ZNF527: variants seen among roughly 807,000 people sequenced by gnomAD.
The protein encoded by ZNF527 is zinc finger protein 527.
A neutral mutation model predicts 13.5 loss-of-function variants in ZNF527; 5 were observed. The observed-to-expected ratio is 0.37, with a 90% confidence interval of 0.19 to 0.78. The LOEUF is 0.78. ZNF527 is among the 30% of genes least tolerant of loss of function. ZNF527 has a pLI of 0.48. For synonymous variants in ZNF527, 209 were observed against 243.1 expected, an observed-to-expected ratio of 0.86 and a Z score of 1.30; for missense variants, 628 against 726.4, an observed-to-expected ratio of 0.86 and a Z score of 1.56.
At chr19:37,383,728 C>T (rs256734) in intron 4 of ZNF527, among the ~76,000 whole-genome samples, 4 of 151,200 alleles carry the variant, frequency 2.6e-5, no homozygotes, top group South Asian at 4.2e-4. Flanking sequence ...TAGTAGAGAC[C>T]GGGTTTCACC....
rs2040747708 is a variant in ZNF527 at position 37,391,004 on chromosome 19, CATT to C, written c.*1128_*1130del. On this transcript the variant is annotated 3_prime_UTR_variant, in exon 5 of 5. Transcript: ENST00000436120. ...TTTTAGTGTTTCTTAGTTTTTTTCA[CATT>C]ATGGCTGAATATTTTAAAATTCACC... 6.6e-6 allele frequency: 1 copy of C among 152,112 alleles called. No homozygotes were observed. The highest frequency in any genetic ancestry group is 2.4e-5 in the African/African-American group (1 of 41,412). The allele number at this position is 152,112 out of a possible 1,614,324, so 9.4% of individuals were successfully genotyped here.
chr19:37,388,663 T>C lies in ZNF527; in HGVS notation c.614T>C (p.Val205Ala), dbSNP rs1159090738. The change falls in exon 5 of 5, where the codon GTC becomes GCC. Residue 205 changes from valine to alanine, a missense_variant. Coordinates refer to ENST00000436120, the MANE Select transcript of ZNF527 (RefSeq NM_032453.2). ...GATAAACTCTTCCCCCAAAATTCAG[T>C]CATAATTGAATATAAAAGACTCCAT... ...IYDKLFPQNS[V>A]IIEYKRLHAE... 1 of 1,612,692 alleles carries C rather than the reference T, an allele frequency of 6.2e-7. No homozygotes were observed. Among genetic ancestry groups the C allele is most frequent in the East Asian group, 2.2e-5 (1 of 44,886 alleles).
intron 2 of ZNF527, among the ~76,000 whole-genome samples, chr19:37,376,857 C>T (rs1371000625): frequency 1.3e-5 from 2 of 151,860 alleles, no homozygotes; most frequent in African/African-American, 2.4e-5. Context: ...AGATTCAGTA[C>T]AAAAAAGAGT....
At chr19:37,382,967 A>G (rs1479801568) in intron 4 of ZNF527, among the ~76,000 whole-genome samples, 1 of 152,124 alleles carries the variant, frequency 6.6e-6, no homozygotes, top group Non-Finnish European at 1.5e-5. Flanking sequence ...TTGGCCTCCC[A>G]AAGTGCTGGG....
chr19:37,385,399 T>C, intron 4 of ZNF527: 3 of 398,978 alleles, frequency 7.5e-6, no homozygotes, highest in Non-Finnish European at 1.3e-5. Flanking sequence ...TTTCTCTTGA[T>C]ATTTTTTTCA....
At chr19:37,373,396 A>G (rs1247838694) in intron 1 of ZNF527, among the ~76,000 whole-genome samples, 1 of 152,232 alleles carries the variant, frequency 6.6e-6, no homozygotes, top group Non-Finnish European at 1.5e-5. Context: ...ATGAGTTAAC[A>G]TTGTATATTT....
chr19:37,388,200 T>C, intron 4 of ZNF527, 106 bp from the exon 5 acceptor site: 1 of 1,341,144 alleles, frequency 7.5e-7, no homozygotes, highest in East Asian at 2.4e-5. Flanking sequence ...ACCACAGACT[T>C]TCTACCCTCC....
chr19:37,384,855 T>C (rs560793014), intron 4 of ZNF527: 1 of 671,714 alleles, frequency 1.5e-6, no homozygotes, highest in African/African-American at 1.8e-5. Flanking sequence ...TTTTGTTTTG[T>C]TTTTTGAGAC....
chr19:37,372,284 G>C (rs8106641), intron 1 of ZNF527, among the ~76,000 whole-genome samples: 5,503 of 151,628 alleles, frequency 0.036, 263 homozygotes, highest in African/African-American at 0.097. Flanking sequence ...CAGGCGTGAG[G>C]CGCTGCGCCC....
intron 1 of ZNF527, among the ~76,000 whole-genome samples, chr19:37,373,740 A>G (rs1212030981): frequency 6.6e-6 from 1 of 152,334 alleles, no homozygotes; most frequent in South Asian, 2.1e-4. Flanking sequence ...GGAGTGGCCC[A>G]TGCTGGTGTC....
At chr19:37,375,323 CT>C (rs763779537) in intron 2 of ZNF527, among the ~76,000 whole-genome samples, 1 of 117,474 alleles carries the variant, frequency 8.5e-6, no homozygotes, top group Admixed American at 9.2e-5. Context: ...TTCTTTCTTT[CT>C]TTCTTTCTTT....
chr19:37,387,333 A>G (rs1266150180), intron 4 of ZNF527, among the ~76,000 whole-genome samples: 4 of 152,180 alleles, frequency 2.6e-5, no homozygotes. Context: ...TAACTAAGCT[A>G]GTGAGTTTTG....
chr19:37,389,828 T>G lies in ZNF527; in HGVS notation c.1779T>G (p.Cys593Trp), dbSNP rs758189893. 3 of 1,612,698 alleles carry G rather than the reference T, an allele frequency of 1.9e-6. No homozygotes were observed. In the East Asian group the frequency reaches 6.7e-5, roughly 36 times the overall value. Residue 593 changes from cysteine to tryptophan, a missense_variant, in exon 5 of 5, where the codon TGT becomes TGG. Physicochemically the swap from Cys to Trp is radical, Grantham distance 215. This residue lies in a region of ZNF527 where 592 missense variants were observed against 678.0 expected (regional missense o/e 0.87). Transcript: ENST00000436120. ...KCNECGNNFS[C>W]VSALRRHQRI... ...ACGAATGTGGGAATAATTTTAGCTGTGTCTCAGCCCTTAGACGACATCAGA... is the reference window on the plus strand; with the variant it reads ...ACGAATGTGGGAATAATTTTAGCTGGGTCTCAGCCCTTAGACGACATCAGA...
In ZNF527 at chr19:37,389,742, C is replaced by T; in HGVS notation, c.1693C>T (p.Gln565Ter). ...TAGTGAATGTGGGAAGGCTTTTCAT[C>T]AGATCTTGTCCCTAAGACTACACCA... is the stretch of plus-strand genomic sequence containing the variant. ...ECSECGKAFH[Q>*]ILSLRLHQRI... is the part of the protein sequence containing the mutation. Residue 565 changes from glutamine to a stop codon, truncating the protein, a stop_gained, in exon 5 of 5, where the codon CAG (glutamine) becomes TAG (stop). Transcript: ENST00000436120. LOFTEE classifies it low-confidence loss of function (END_TRUNC). 1 of 1,613,848 alleles carries T rather than the reference C, an allele frequency of 6.2e-7. No individual in the cohort carries two copies. The highest frequency in any genetic ancestry group is 8.5e-7 in the Non-Finnish European group (1 of 1,180,028).
At chr19:37,372,580 C>T (rs1464594102) in intron 1 of ZNF527, among the ~76,000 whole-genome samples, 6 of 150,120 alleles carry the variant, frequency 4.0e-5, no homozygotes, top group Non-Finnish European at 5.9e-5. Flanking sequence ...TCAATCAAGC[C>T]TCCCACCTCA....
intron 2 of ZNF527, among the ~76,000 whole-genome samples, chr19:37,375,300 T>TTCTTTC (rs1426956340): frequency 1.6e-5 from 2 of 124,228 alleles, no homozygotes; most frequent in Non-Finnish European, 3.3e-5. Context: ...CTTTCTTTCT[T>TTCTTTC]TCTTTCTTTC....
intron 4 of ZNF527, among the ~76,000 whole-genome samples, chr19:37,386,330 C>T (rs8112900): frequency 0.03 from 4,574 of 151,830 alleles, 207 homozygotes; most frequent in African/African-American, 0.083. Context: ...TCAGTAGAGA[C>T]GAGGTTTCAC....
In ZNF527 at chr19:37,379,264, C is replaced by A; in HGVS notation, c.160+18C>A. 6.4e-7 allele frequency: 1 copy of A among 1,567,432 alleles called. No individual in the cohort carries two copies. The highest frequency in any genetic ancestry group is 1.2e-5 in the South Asian group (1 of 83,682). On this transcript the variant is annotated intron_variant, in intron 3 of 4. Transcript: ENST00000436120. ...ATGGCTTGGTAAGGATGTTTCTCCC[C>A]CATAATTTAAAAATCTTCCTCTGGG... is the stretch of plus-strand genomic sequence containing the variant.
intron 4 of ZNF527, among the ~76,000 whole-genome samples, chr19:37,382,280 GATA>G (rs1373402322): frequency 5.1e-4 from 61 of 120,158 alleles, no homozygotes; most frequent in African/African-American, 1.8e-3. Flanking sequence ...CAGATAGATA[GATA>G]GGTAGATAGA....
Sources: gnomAD v4.1 joint callset for allele counts (sites outside exome capture counted in the v4.1 genomes callset) on GRCh38, gnomAD v4.1.1 for gene constraint, gnomAD v4.1.1 regional missense constraint, MANE v1.5 for transcripts, NCBI Gene and HGNC (gene_info 2026-07-23, HGNC 2026-07-21) for gene names.